Variants in DAB1 observed in about 807,000 individuals in gnomAD.
DAB1 encodes the protein disabled homolog 1.
A neutral mutation model predicts 64.6 loss-of-function variants in DAB1; 15 were observed. The observed-to-expected ratio is 0.23, with a 90% CI of 0.16 to 0.36. The LOEUF is 0.36. DAB1 is among the 10% of genes least tolerant of loss of function. The probability of loss-of-function intolerance (pLI) is 1.00; values close to 1 mark genes in which losing one functional copy is unlikely to be tolerated. For synonymous variants in DAB1, 235 were observed against 251.9 expected (o/e 0.93, Z 0.64); for missense variants, 596 against 706.7 (o/e 0.84, Z 1.78).
Position 57,743,426 on chromosome 1 carries a change from A to G in DAB1, n.552-93761T>C, listed in dbSNP as rs570777629. Among the ~76,000 whole-genome samples, 41 of 152,294 alleles carry G rather than the reference A, an allele frequency of 2.7e-4. No individual in the cohort carries two copies. In the South Asian group the frequency reaches 8.5e-3, roughly 32 times the overall value. On this transcript the variant is annotated intron_variant and non_coding_transcript_variant, in intron 6 of 20. Transcript: ENST00000485760. ...AACTTCACCACCTATCCCCAAACCT[A>G]TAAGAACTAATGATAATCCATCACC...
At chr1:58,007,814 A>G (rs1228921191) in intron 5 of DAB1, among the ~76,000 whole-genome samples, 1 of 152,236 alleles carries the variant, frequency 6.6e-6, no homozygotes, top group Non-Finnish European at 1.5e-5. Flanking sequence ...GTGCAAAAAA[A>G]TACTAATGAC....
intron 5 of DAB1, among the ~76,000 whole-genome samples, chr1:57,907,371 A>G (rs1474841838): frequency 6.6e-6 from 1 of 152,224 alleles, no homozygotes; most frequent in Non-Finnish European, 1.5e-5. Context: ...TGTGGTAACC[A>G]GAAAACATTA....
chr1:57,324,078 C>A lies in DAB1; in HGVS notation c.-136-32912G>T, dbSNP rs535555667. ...GAAAACTCAGCCTAATTCAATCAGA[C>A]ATTATAGTCAGACCTGGTTAATGTG... is the stretch of plus-strand genomic sequence containing the variant. On this transcript the variant is annotated intron_variant, in intron 1 of 14. Transcript: ENST00000371236. Among the ~76,000 whole-genome samples, 471 of 152,280 alleles carry A rather than the reference C, an allele frequency of 3.1e-3. 5 individuals carry two copies. Among genetic ancestry groups the A allele is most frequent in the Non-Finnish European group, 2.4e-3 (164 of 68,024 alleles).
chr1:57,677,627 A>G (rs1174949723), intron 6 of DAB1, among the ~76,000 whole-genome samples: 1 of 152,226 alleles, frequency 6.6e-6, no homozygotes, highest in East Asian at 1.9e-4. Flanking sequence ...TTACTCTTAA[A>G]TAATAGAATT....
rs1254837652 is a variant in DAB1 at position 57,507,539 on chromosome 1, C to T, written n.625+142053G>A. Among the ~76,000 whole-genome samples the T allele has an allele frequency of 2.0e-5, 3 of 152,158 alleles. No homozygotes were observed. The East Asian group carries it at 5.8e-4, about 29-fold the overall frequency. ...GGTGAATTGGCTCTATCAGTCTTGA[C>T]TTGAAAATGGAGTGTGAAGGCCTGA... On this transcript the variant is annotated intron_variant and non_coding_transcript_variant, in intron 7 of 20. Transcript: ENST00000485760.
intron 7 of DAB1, among the ~76,000 whole-genome samples, chr1:57,530,794 GT>G (rs1397202828): frequency 5.3e-5 from 8 of 152,132 alleles, no homozygotes; most frequent in Non-Finnish European, 8.8e-5. Context: ...AATGTTTAGT[GT>G]GCTGCAATCC....
At chr1:57,554,722 T>A (rs1570621862) in intron 7 of DAB1, among the ~76,000 whole-genome samples, 1 of 152,228 alleles carries the variant, frequency 6.6e-6, no homozygotes, top group Non-Finnish European at 1.5e-5. Context: ...CTCCATTGAC[T>A]TTCTATTGCT....
intron 9 of DAB1, among the ~76,000 whole-genome samples, chr1:57,050,846 G>A (rs570894907): frequency 6.6e-6 from 1 of 152,278 alleles, no homozygotes; most frequent in Non-Finnish European, 1.5e-5. Context: ...TTTAGTAAAT[G>A]TTTGCCCAAT....
At chr1:58,156,185 C>T (rs951857548) in intron 4 of DAB1, among the ~76,000 whole-genome samples, 2 of 152,184 alleles carry the variant, frequency 1.3e-5, no homozygotes, top group African/African-American at 4.8e-5. Flanking sequence ...CCACTCTTAT[C>T]TCACTTTATC....
At chr1:57,932,326 G>A (rs1009216737) in intron 5 of DAB1, among the ~76,000 whole-genome samples, 43 of 152,090 alleles carry the variant, frequency 2.8e-4, no homozygotes, top group African/African-American at 1.0e-3. Context: ...GGATAAAGTA[G>A]TCTATATGCG....
At chr1:57,126,492 G>T (rs1657136773) in intron 4 of DAB1, among the ~76,000 whole-genome samples, 1 of 152,118 alleles carries the variant, frequency 6.6e-6, no homozygotes, top group South Asian at 2.1e-4. Context: ...ACAAAAAAGA[G>T]ATAATACCTC....
At chr1:57,724,181 T>C (rs959768840) in intron 6 of DAB1, among the ~76,000 whole-genome samples, 1 of 151,404 alleles carries the variant, frequency 6.6e-6, no homozygotes, top group African/African-American at 2.4e-5. Context: ...TGTTTTCACT[T>C]ACACTTTCAA....
intron 6 of DAB1, among the ~76,000 whole-genome samples, chr1:57,650,745 A>T (rs1213832053): frequency 6.6e-6 from 1 of 152,132 alleles, no homozygotes; most frequent in Non-Finnish European, 1.5e-5. Flanking sequence ...CCAATATCAC[A>T]ATTCCTGTAC....
intron 3 of DAB1, among the ~76,000 whole-genome samples, chr1:58,350,613 T>C (rs1175129727): frequency 6.6e-6 from 1 of 152,228 alleles, no homozygotes; most frequent in Admixed American, 6.5e-5. Flanking sequence ...AAGTCTTTAA[T>C]CCATCTCGAG....
At chr1:58,318,156 TGAG>T (rs894298518) in intron 4 of DAB1, among the ~76,000 whole-genome samples, 5 of 152,198 alleles carry the variant, frequency 3.3e-5, no homozygotes, top group African/African-American at 1.2e-4. Context: ...ATTTAAGAGA[TGAG>T]GAGTTGTGTC....
intron 4 of DAB1, among the ~76,000 whole-genome samples, chr1:57,073,630 T>A (rs2100602654): frequency 6.6e-6 from 1 of 152,294 alleles, no homozygotes; most frequent in African/African-American, 2.4e-5. Context: ...GAATTCCAGC[T>A]ACTGTGTAAA....
intron 5 of DAB1, among the ~76,000 whole-genome samples, chr1:58,023,876 T>TA (rs1397409959): frequency 6.6e-6 from 1 of 152,126 alleles, no homozygotes. Context: ...ATATGAACAT[T>TA]AAGGCAGTTC....
chr1:57,310,430 G>C (rs1674594459), intron 1 of DAB1, among the ~76,000 whole-genome samples: 1 of 152,164 alleles, frequency 6.6e-6, no homozygotes, highest in Admixed American at 6.5e-5. Flanking sequence ...AGAGGAGAGG[G>C]AAAAAGAAGT....
At chr1:57,439,716 C>A (rs550212008) in intron 7 of DAB1, among the ~76,000 whole-genome samples, 27 of 151,328 alleles carry the variant, frequency 1.8e-4, no homozygotes, top group Admixed American at 1.6e-3. Flanking sequence ...CGTGAGCCAC[C>A]GCACCCGGCC....
Sources: allele counts gnomAD v4.1 joint callset (sites outside exome capture counted in the v4.1 genomes callset), GRCh38; gene constraint gnomAD v4.1.1; transcripts MANE v1.5; gene names NCBI Gene and HGNC (gene_info 2026-07-23, HGNC 2026-07-21).